Variants in CTNND2 observed in about 807,000 individuals in gnomAD.
CTNND2 encodes the protein catenin delta-2.
CTNND2 carries 22 observed loss-of-function variants against 144.4 expected under a neutral mutation model. That is an observed-to-expected ratio of 0.15 (90% CI 0.11 to 0.22). CTNND2 has a LOEUF of 0.22. Among genes scored for constraint, CTNND2 ranks in the 10% least tolerant of loss-of-function variants. The pLI, the probability that CTNND2 is intolerant of heterozygous loss-of-function variation, is 1.00. For synonymous variants in CTNND2, 751 were observed against 695.6 expected (o/e 1.08, Z -1.25); for missense variants, 1,353 against 1,618.8 (o/e 0.84, Z 2.82).
intron 1 of CTNND2, among the ~76,000 whole-genome samples, chr5:11,837,054 G>T (rs954612815): frequency 1.3e-5 from 2 of 152,184 alleles, no homozygotes; most frequent in African/African-American, 4.8e-5. Flanking sequence ...ATCAGTTGTG[G>T]ATCTGGTACT....
At chr5:11,179,312 AAAAAAACAAAAAAACAAAAACAAAAAC>A (rs1760779367) in intron 11 of CTNND2, among the ~76,000 whole-genome samples, 1 of 151,544 alleles carries the variant, frequency 6.6e-6, no homozygotes, top group Non-Finnish European at 1.5e-5. Flanking sequence ...CACAAAAAAC[AAAAAAACAAAAAAACAAAAACAAAAAC>A]AAAAAACAAA....
At chr5:11,708,231 C>CTTAACAG (rs141581956) in intron 2 of CTNND2, among the ~76,000 whole-genome samples, 1 of 151,842 alleles carries the variant, frequency 6.6e-6, no homozygotes, top group African/African-American at 2.4e-5. Context: ...ATTTTTTAAA[C>CTTAACAG]TTAAATAGAT....
At chr5:11,402,547 A>G (rs1238822034) in intron 5 of CTNND2, among the ~76,000 whole-genome samples, 1 of 152,216 alleles carries the variant, frequency 6.6e-6, no homozygotes, top group Non-Finnish European at 1.5e-5. Flanking sequence ...GAACTTGCCC[A>G]TTTACAAATT....
At chr5:11,397,421 T>G (rs964170914) in intron 5 of CTNND2, among the ~76,000 whole-genome samples, 3 of 152,132 alleles carry the variant, frequency 2.0e-5, no homozygotes, top group Non-Finnish European at 4.4e-5. Context: ...TTAAAAGTTC[T>G]CAAAGGAGTA....
chr5:11,338,513 G>C (rs985263196), intron 9 of CTNND2, among the ~76,000 whole-genome samples: 1 of 152,158 alleles, frequency 6.6e-6, no homozygotes, highest in Non-Finnish European at 1.5e-5. Flanking sequence ...GCACAAAACG[G>C]ATTTCCACCA....
intron 12 of CTNND2, among the ~76,000 whole-genome samples, chr5:11,127,175 T>C (rs933447164): frequency 1.3e-5 from 2 of 152,362 alleles, no homozygotes; most frequent in Admixed American, 1.3e-4. Context: ...GCAATATGTC[T>C]ACTAAAACTG....
chr5:11,466,065 A>C (rs951959293), intron 3 of CTNND2, among the ~76,000 whole-genome samples: 5 of 152,236 alleles, frequency 3.3e-5, no homozygotes, highest in Non-Finnish European at 5.9e-5. Flanking sequence ...ACTGGAGTAC[A>C]GTAGTATGAT....
At chr5:11,163,557 A>T (rs1031304317) in intron 11 of CTNND2, among the ~76,000 whole-genome samples, 1 of 152,050 alleles carries the variant, frequency 6.6e-6, no homozygotes, top group Non-Finnish European at 1.5e-5. Context: ...TTTCCTATGA[A>T]GCTCCCACTC....
At chr5:11,780,439 G>A (rs1790485179) in intron 1 of CTNND2, among the ~76,000 whole-genome samples, 1 of 152,144 alleles carries the variant, frequency 6.6e-6, no homozygotes, top group South Asian at 2.1e-4. Context: ...AAAGACTGGA[G>A]GGATGGCTGC....
At chr5:11,175,040 T>A (rs746766280) in intron 11 of CTNND2, among the ~76,000 whole-genome samples, 1 of 152,226 alleles carries the variant, frequency 6.6e-6, no homozygotes, top group Non-Finnish European at 1.5e-5. Flanking sequence ...TTCCTGAGAA[T>A]GGAAGGTGAC....
chr5:11,317,526 T>A (rs113429302), intron 9 of CTNND2, among the ~76,000 whole-genome samples: 225 of 152,330 alleles, frequency 1.5e-3, no homozygotes, highest in African/African-American at 5.1e-3. Context: ...CCTTTAGGTG[T>A]CCCACTATGG....
intron 1 of CTNND2, among the ~76,000 whole-genome samples, chr5:11,895,397 G>A (rs1052189113): frequency 5.9e-5 from 9 of 152,104 alleles, no homozygotes; most frequent in Non-Finnish European, 1.0e-4. Context: ...TTAATTCACC[G>A]TCGCAACAAC....
chr5:11,456,430 G>GTA (rs1203239286), intron 3 of CTNND2, among the ~76,000 whole-genome samples: 1 of 151,826 alleles, frequency 6.6e-6, no homozygotes, highest in Non-Finnish European at 1.5e-5. Context: ...CGAGTTAGGT[G>GTA]TAGATTTCTA....
At chr5:11,545,121 AAAAAAAAAAAAAAAGG>A (rs1483710581) in intron 3 of CTNND2, among the ~76,000 whole-genome samples, 72 of 132,468 alleles carry the variant, frequency 5.4e-4, no homozygotes, top group Non-Finnish European at 9.0e-4. Context: ...ACTCCGTCTC[AAAAAAAAAAAAAAAGG>A]AAAAAAAAAA....
intron 1 of CTNND2, among the ~76,000 whole-genome samples, chr5:11,885,457 T>A (rs1736450209): frequency 6.6e-6 from 1 of 152,110 alleles, no homozygotes; most frequent in Admixed American, 6.5e-5. Context: ...ACTAACAAGA[T>A]CCTTATATAA....
chr5:11,505,352 G>A (rs2150015662), intron 3 of CTNND2, among the ~76,000 whole-genome samples: 1 of 152,292 alleles, frequency 6.6e-6, no homozygotes, highest in East Asian at 1.9e-4. Flanking sequence ...AATCCAGTCA[G>A]CAGGGCCACA....
At chr5:11,180,430 G>A (rs1036002306) in intron 11 of CTNND2, among the ~76,000 whole-genome samples, 13 of 152,096 alleles carry the variant, frequency 8.5e-5, no homozygotes, top group Non-Finnish European at 1.9e-4. Flanking sequence ...ATGTTATTTT[G>A]GAAGCAGAGT....
At chr5:11,586,282 T>G (rs1353038449) in intron 2 of CTNND2, among the ~76,000 whole-genome samples, 2 of 152,168 alleles carry the variant, frequency 1.3e-5, no homozygotes, top group Non-Finnish European at 2.9e-5. Context: ...AGCAATTACT[T>G]TACTACATCC....
intron 3 of CTNND2, among the ~76,000 whole-genome samples, chr5:11,498,163 G>T (rs1275340918): frequency 6.6e-6 from 1 of 152,050 alleles, no homozygotes; most frequent in African/African-American, 2.4e-5. Flanking sequence ...GGGGTGGTTT[G>T]TTGCCCAATT....
Sources: gnomAD v4.1 joint callset for allele counts (sites outside exome capture counted in the v4.1 genomes callset) on GRCh38, gnomAD v4.1.1 for gene constraint, MANE v1.5 for transcripts, NCBI Gene and HGNC (gene_info 2026-07-23, HGNC 2026-07-21) for gene names.